GOLGA7: variants seen among roughly 807,000 people sequenced by gnomAD.
GOLGA7 encodes the protein golgin A7, also known as golgin subfamily A member 7.
GOLGA7 carries 10 observed loss-of-function variants against 21.1 expected under a neutral mutation model. The observed-to-expected ratio is 0.47, with a 90% CI of 0.29 to 0.80. The LOEUF (loss-of-function observed/expected upper bound fraction) is 0.80. GOLGA7 is among the 30% of genes least tolerant of loss of function. The pLI is 0.08. For synonymous variants in GOLGA7, 64 were observed against 62.6 expected, an observed-to-expected ratio of 1.02 and a Z score of -0.10; for missense variants, 114 against 166.8, an observed-to-expected ratio of 0.68 and a Z score of 1.74.
chr8:41,503,489 C>T (rs1365761815), intron 2 of GOLGA7, among the ~76,000 whole-genome samples: 2 of 91,656 alleles, frequency 2.2e-5, no homozygotes, highest in East Asian at 2.6e-4. Context: ...TCCTTGCCCA[C>T]GCCTATGTCC....
intron 4 of GOLGA7, 107 bp downstream of exon 4, chr8:41,507,228 A>G (rs1806307691): frequency 1.4e-6 from 1 of 689,998 alleles, no homozygotes; most frequent in Admixed American, 2.3e-5. Flanking sequence ...CAGTTAAATA[A>G]CAGTATATTT....
chr8:41,490,622 G>A lies in GOLGA7; in HGVS notation c.-233G>A, dbSNP rs1805854477. The A allele has an allele frequency of 1.9e-6, 1 of 524,402 alleles. No homozygotes were observed. The highest frequency in any genetic ancestry group is 2.5e-5 in the South Asian group (1 of 40,318). 32.5% of individuals were successfully genotyped at this position (524,402 alleles called of 1,614,324 possible). The stretch of plus-strand genomic sequence containing the variant: ...GCTGGAGGGCAGAGGAGGCGGGTTT[G>A]TGTTTCCCGGGCCGAACCGGGTTGT... On this transcript the variant is annotated 5_prime_UTR_variant, in exon 1 of 5. In the 5' UTR this introduces an upstream ATG that the reference lacks. Coordinates refer to ENST00000357743, the MANE Select transcript of GOLGA7 (RefSeq NM_001002296.2).
intron 2 of GOLGA7, among the ~76,000 whole-genome samples, chr8:41,504,128 A>AC (rs1806220063): frequency 1.7e-5 from 2 of 116,310 alleles, no homozygotes; most frequent in African/African-American, 7.3e-5. Context: ...AATAAAAAAA[A>AC]AAAAAAAACA....
chr8:41,492,892 AGCCTTCC>A (rs1805918608), intron 1 of GOLGA7, among the ~76,000 whole-genome samples: 1 of 152,252 alleles, frequency 6.6e-6, no homozygotes, highest in Admixed American at 6.5e-5. Context: ...ATCAGACATT[AGCCTTCC>A]ACTCTGTGTG....
intron 4 of GOLGA7, among the ~76,000 whole-genome samples, chr8:41,508,924 A>AG (rs1806354090): frequency 6.6e-6 from 1 of 152,246 alleles, no homozygotes. Flanking sequence ...AATTTGAAGC[A>AG]ATATGTGGGA....
At chr8:41,506,937 TTAA>T in intron 3 of GOLGA7, 119 bp from the exon 4 acceptor site, 1 of 698,654 alleles carries the variant, frequency 1.4e-6, no homozygotes. Flanking sequence ...GGAAAAATGT[TTAA>T]TAATTGAAAA....
In GOLGA7 at chr8:41,503,741, C is replaced by T. The variant is rs1806206723; in HGVS notation, c.265-2170C>T. Among the ~76,000 whole-genome samples, 3 of 112,868 alleles carry T rather than the reference C, an allele frequency of 2.7e-5. No individual in the cohort carries two copies. The South Asian group carries it at 8.8e-4, about 33-fold the overall frequency. 74.0% of individuals were successfully genotyped at this position (112,868 alleles called of 152,430 possible). ...TAGTTGTAGATATGCGGCATTATTT[C>T]TGAGGGCTCTGTTCTGTTCCATTGA... On this transcript the variant is annotated intron_variant, in intron 2 of 4. Coordinates refer to ENST00000357743, the MANE Select transcript of GOLGA7 (RefSeq NM_001002296.2).
chr8:41,492,235 G>A (rs544512933), intron 1 of GOLGA7, among the ~76,000 whole-genome samples: 1 of 152,326 alleles, frequency 6.6e-6, no homozygotes, highest in Non-Finnish European at 1.5e-5. Flanking sequence ...TTAACTGAGC[G>A]TGACAATAGG....
intron 3 of GOLGA7, among the ~76,000 whole-genome samples, chr8:41,506,383 C>G (rs1192786421): frequency 6.6e-6 from 1 of 152,048 alleles, no homozygotes; most frequent in African/African-American, 2.4e-5. Context: ...ACTTGTCATC[C>G]AAATGAATTG....
rs1806398269 is a variant in GOLGA7 at position 41,510,566 on chromosome 8, T to C, written c.*998T>C. The C allele has an allele frequency of 2.0e-5, 3 of 152,754 alleles. No individual in the cohort carries two copies. Among genetic ancestry groups the C allele is most frequent in the Non-Finnish European group, 2.9e-5 (2 of 68,042 alleles). 9.5% of individuals were successfully genotyped at this position (152,754 alleles called of 1,614,324 possible). ...TATTCAGTGCACAGAAATCTTATGATTGGCTCAAGTACAGTAAGTTACTTC... is the reference window on the plus strand; with the variant it reads ...TATTCAGTGCACAGAAATCTTATGACTGGCTCAAGTACAGTAAGTTACTTC... On this transcript the variant is annotated 3_prime_UTR_variant, in exon 5 of 5. Coordinates refer to ENST00000357743, the MANE Select transcript of GOLGA7 (RefSeq NM_001002296.2).
intron 2 of GOLGA7, 112 bp downstream of exon 2, chr8:41,497,773 A>G: frequency 1.6e-6 from 1 of 636,660 alleles, no homozygotes; most frequent in Non-Finnish European, 2.8e-6. Context: ...AGGGGCATTT[A>G]TCATTCAAAT....
chr8:41,503,060 G>A (rs1204530704), intron 2 of GOLGA7, among the ~76,000 whole-genome samples: 1 of 151,850 alleles, frequency 6.6e-6, no homozygotes, highest in Non-Finnish European at 1.5e-5. Context: ...TTTTTATTTT[G>A]AGACTAAGTT....
intron 1 of GOLGA7, among the ~76,000 whole-genome samples, chr8:41,492,251 C>T (rs1382656886): frequency 6.6e-6 from 1 of 152,230 alleles, no homozygotes; most frequent in Non-Finnish European, 1.5e-5. Flanking sequence ...ATAGGTGGAA[C>T]TATCTACAGT....
chr8:41,507,972 G>A (rs28478173), intron 4 of GOLGA7, among the ~76,000 whole-genome samples: 5 of 152,102 alleles, frequency 3.3e-5, no homozygotes, highest in Admixed American at 6.5e-5. Context: ...TTGAGGGCAC[G>A]TACTATGTGC....
chr8:41,493,329 C>T (rs182638684), intron 1 of GOLGA7, among the ~76,000 whole-genome samples: 19 of 152,268 alleles, frequency 1.2e-4, no homozygotes, highest in African/African-American at 4.6e-4. Flanking sequence ...TTTGTGAGAA[C>T]ATCACACTTG....
chr8:41,506,906 T>G (rs1806300044), intron 3 of GOLGA7, 153 bp from the exon 4 acceptor site: 2 of 657,062 alleles, frequency 3.0e-6, no homozygotes, highest in Non-Finnish European at 5.5e-6. Flanking sequence ...TTCAGCAAAT[T>G]GGAGAAAGCA....
chr8:41,502,558 G>T (rs945068255), intron 2 of GOLGA7: 4 of 152,176 alleles, frequency 2.6e-5, no homozygotes, highest in African/African-American at 9.7e-5. Context: ...CTCGTGGAAG[G>T]TTCCCCTTTC....
chr8:41,506,541 TA>T (rs1320064315), intron 3 of GOLGA7, among the ~76,000 whole-genome samples: 1 of 152,156 alleles, frequency 6.6e-6, no homozygotes, highest in Non-Finnish European at 1.5e-5. Flanking sequence ...TGCAAAAAAC[TA>T]ATTTAGCTTG....
At chr8:41,491,559 G>C (rs1227120039) in intron 1 of GOLGA7, among the ~76,000 whole-genome samples, 1 of 152,050 alleles carries the variant, frequency 6.6e-6, no homozygotes, top group Admixed American at 6.5e-5. Context: ...TTCACTGGGA[G>C]CCACCTGTTT....
Sources: gnomAD v4.1 joint callset for allele counts (sites outside exome capture counted in the v4.1 genomes callset) on GRCh38, gnomAD v4.1.1 for gene constraint, MANE v1.5 for transcripts, NCBI Gene and HGNC (gene_info 2026-07-23, HGNC 2026-07-21) for gene names.